The following CLDN10 variants were observed in gnomAD, a reference collection of about 807,000 sequenced individuals.
The protein encoded by CLDN10 is claudin 10, also known as claudin-10.
Under a neutral mutation model 22.9 loss-of-function variants are expected in CLDN10, and 15 were observed. The ratio of observed to expected loss-of-function variants is 0.65; its 90% confidence interval spans 0.44 to 1.01. The LOEUF is 1.01. Among genes scored for constraint, CLDN10 ranks in the 50% least tolerant of loss-of-function variants. The probability of loss-of-function intolerance (pLI) is 0.00; values close to 1 mark genes in which losing one functional copy is unlikely to be tolerated. For synonymous variants in CLDN10, 114 were observed against 111.4 expected (o/e 1.02, Z -0.15); for missense variants, 247 against 287.8 (o/e 0.86, Z 1.03).
intron 1 of CLDN10, among the ~76,000 whole-genome samples, chr13:95,542,256 C>T (rs777361760): frequency 3.5e-4 from 54 of 152,174 alleles, no homozygotes; most frequent in Non-Finnish European, 6.2e-4. Flanking sequence ...CCTCCAATAC[C>T]GGGAATTACA....
chr13:95,473,549 A>C (rs1157689305), intron 1 of CLDN10, among the ~76,000 whole-genome samples: 3 of 152,236 alleles, frequency 2.0e-5, no homozygotes, highest in Non-Finnish European at 4.4e-5. Flanking sequence ...GCTGAGTAGT[A>C]ATAGCAAATC....
At chr13:95,535,503 C>A (rs1457547363) in intron 1 of CLDN10, among the ~76,000 whole-genome samples, 1 of 147,798 alleles carries the variant, frequency 6.8e-6, no homozygotes, top group Non-Finnish European at 1.5e-5. Context: ...ACTTGCTTGG[C>A]AGACTGAGTG....
intron 1 of CLDN10, among the ~76,000 whole-genome samples, chr13:95,473,478 T>TG (rs1185018605): frequency 1.3e-5 from 2 of 152,178 alleles, no homozygotes; most frequent in Non-Finnish European, 1.5e-5. Flanking sequence ...GTGATGAGGA[T>TG]GGGGGGCCAG....
chr13:95,514,309 C>T (rs1305631008), intron 1 of CLDN10, among the ~76,000 whole-genome samples: 2 of 152,040 alleles, frequency 1.3e-5, no homozygotes, highest in African/African-American at 4.8e-5. Context: ...TGACTTCAGA[C>T]TGATAGCTAG....
rs769034126 is a variant in CLDN10, at chr13:95,578,019, G to C, written c.*5G>C. On this transcript the variant is annotated 3_prime_UTR_variant, in exon 5 of 5. Transcript: ENST00000299339. ...GATAAAAATGCTTATGTCTAAAAGA[G>C]CTCGCTGGCAAGCTGCCTCTTGAGT... 1.6e-5 allele frequency: 25 copies of C among 1,561,928 alleles called. No homozygotes were observed. Among genetic ancestry groups the C allele is most frequent in the Non-Finnish European group, 2.0e-5 (23 of 1,135,044 alleles).
rs2043040224 is a variant in CLDN10 at position 95,506,486 on chromosome 13, T to C, written c.215-53646T>C. Among the ~76,000 whole-genome samples the C allele has an allele frequency of 2.6e-5, 4 of 152,342 alleles. No homozygotes were observed. The South Asian group carries it at 8.3e-4, about 32-fold the overall frequency. Reference sequence around the variant, plus strand: ...TTCTGATCTTTTTCATGCCCTCTACTGCCTCTCTTCTCAAGAGACTCCCCT... The same window carrying C: ...TTCTGATCTTTTTCATGCCCTCTACCGCCTCTCTTCTCAAGAGACTCCCCT... On this transcript the variant is annotated intron_variant, in intron 1 of 4. Coordinates refer to the CLDN10 transcript ENST00000376873.
chr13:95,535,164 G>C (rs967228073), intron 1 of CLDN10, among the ~76,000 whole-genome samples: 29 of 152,152 alleles, frequency 1.9e-4, no homozygotes, highest in Non-Finnish European at 4.0e-4. Flanking sequence ...AAGATCCTAG[G>C]ATACCTTTTG....
At chr13:95,526,355 A>T (rs1270205898) in intron 1 of CLDN10, among the ~76,000 whole-genome samples, 1 of 152,172 alleles carries the variant, frequency 6.6e-6, no homozygotes, top group Non-Finnish European at 1.5e-5. Context: ...TTAAGAATTC[A>T]TTAGAAGCTC....
At chr13:95,548,283 C>T (rs540997205), upstream of CLDN10, among the ~76,000 whole-genome samples, 2 of 152,176 alleles carry the variant, frequency 1.3e-5, no homozygotes, top group African/African-American at 2.4e-5. Context: ...TTACCCCTCC[C>T]CTTCAGGGGC....
At chr13:95,453,242 A>G (rs1244904954) in intron 1 of CLDN10, among the ~76,000 whole-genome samples, 1 of 152,118 alleles carries the variant, frequency 6.6e-6, no homozygotes, top group Non-Finnish European at 1.5e-5. Context: ...TCTCTTCCCT[A>G]TCAATATTTG....
chr13:95,543,911 T>C (rs1206114515), intron 1 of CLDN10, among the ~76,000 whole-genome samples: 1 of 152,068 alleles, frequency 6.6e-6, no homozygotes, highest in African/African-American at 2.4e-5. Context: ...CTTATATTCA[T>C]AAGATTTTAA....
intron 1 of CLDN10, among the ~76,000 whole-genome samples, chr13:95,495,087 G>A (rs564159401): frequency 2.8e-4 from 42 of 151,002 alleles, no homozygotes; most frequent in Admixed American, 2.6e-4. Flanking sequence ...CCAGGCTGGA[G>A]TGCAGTGGTG....
At chr13:95,436,838 T>C (rs1286065053) in intron 1 of CLDN10, among the ~76,000 whole-genome samples, 1 of 152,250 alleles carries the variant, frequency 6.6e-6, no homozygotes, top group Non-Finnish European at 1.5e-5. Context: ...TCAGGAAAGC[T>C]ATCTATGCCA....
chr13:95,550,875 G>T (rs1039221567), upstream of CLDN10, among the ~76,000 whole-genome samples: 8 of 132,132 alleles, frequency 6.1e-5, no homozygotes, highest in Non-Finnish European at 9.2e-5. Flanking sequence ...GGATTTCACC[G>T]TGTTAGCCAG....
chr13:95,515,180 TTTGTTGTTGTTGTTG>T (rs146017884), intron 1 of CLDN10, among the ~76,000 whole-genome samples: 1 of 150,616 alleles, frequency 6.6e-6, no homozygotes, highest in African/African-American at 2.4e-5. Context: ...GCTAATTACG[TTTGTTGTTGTTGTTG>T]TTGTTGTTGT....
At chr13:95,552,656 G>T (rs1050363166), upstream of CLDN10, 1 of 1,385,194 alleles carries the variant, frequency 7.2e-7, no homozygotes, top group Non-Finnish European at 9.4e-7. Context: ...GGGACGGTGG[G>T]CGGAGGCGGA....
chr13:95,478,002 T>C (rs1200210677), intron 1 of CLDN10, among the ~76,000 whole-genome samples: 8 of 152,194 alleles, frequency 5.3e-5, no homozygotes, highest in Non-Finnish European at 1.2e-4. Context: ...GAATCACCTG[T>C]TGTGTTTTAA....
intron 3 of CLDN10, among the ~76,000 whole-genome samples, chr13:95,574,882 T>C (rs2043904773): frequency 6.6e-6 from 1 of 152,230 alleles, no homozygotes; most frequent in African/African-American, 2.4e-5. Flanking sequence ...TGGCTTAACA[T>C]AGACCCAATT....
intron 1 of CLDN10, among the ~76,000 whole-genome samples, chr13:95,435,100 C>G (rs531267397): frequency 4.5e-4 from 68 of 151,190 alleles, no homozygotes; most frequent in Non-Finnish European, 6.9e-4. Flanking sequence ...AAAGAGGGAA[C>G]ATATATTTTT....
Sources: gnomAD v4.1 joint callset for allele counts (sites outside exome capture counted in the v4.1 genomes callset) on GRCh38, gnomAD v4.1.1 for gene constraint, MANE v1.5 for transcripts, NCBI Gene and HGNC (gene_info 2026-07-23, HGNC 2026-07-21) for gene names.